The following TSNARE1 variants were observed in gnomAD, a reference collection of about 807,000 sequenced individuals.
TSNARE1 encodes the protein t-SNARE domain-containing protein 1.
In TSNARE1, 49 loss-of-function variants were observed where a neutral mutation model predicts 62.0. The observed-to-expected ratio is 0.79, with a 90% CI of 0.63 to 1.00. The LOEUF (loss-of-function observed/expected upper bound fraction) is 1.00, where lower values mean the gene tolerates loss of function less well. TSNARE1 is among the 50% of genes least tolerant of loss of function. The probability of loss-of-function intolerance (pLI) is 0.00; values close to 1 mark genes in which losing one functional copy is unlikely to be tolerated. For missense variants in TSNARE1, 755 were observed against 700.1 expected, an observed-to-expected ratio of 1.08 and a Z score of -0.88; for synonymous variants, 328 against 294.4, an observed-to-expected ratio of 1.11 and a Z score of -1.17.
chr8:142,229,252 A>G (rs1403917611), intron 13 of TSNARE1, among the ~76,000 whole-genome samples: 1 of 150,218 alleles, frequency 6.7e-6, no homozygotes, highest in East Asian at 2.0e-4. Flanking sequence ...GGATGAATGG[A>G]TGGATGGTGG....
rs1829219592 is a variant in TSNARE1 at position 142,319,911 on chromosome 8, T to C, written c.894-1277A>G. Among the ~76,000 whole-genome samples the C allele has an allele frequency of 6.6e-6, 1 of 152,150 alleles. No individual in the cohort carries two copies. Among genetic ancestry groups the C allele is most frequent in the Admixed American group, 6.5e-5 (1 of 15,280 alleles). On this transcript the variant is annotated intron_variant, in intron 6 of 13. Transcript: ENST00000524325. This position sits in a 1 kb window ranked among gnomAD's most constrained non-coding sequence, Gnocchi z 4.9. ...GACAGGAGCTTTCTTCCCCGGGGCCTTGGTCAGGGCCGCCTCCTCCTGCAG... is the reference window on the plus strand; with the variant it reads ...GACAGGAGCTTTCTTCCCCGGGGCCCTGGTCAGGGCCGCCTCCTCCTGCAG...
intron 12 of TSNARE1, among the ~76,000 whole-genome samples, chr8:142,231,506 G>T (rs1341382258): frequency 6.6e-6 from 1 of 152,178 alleles, no homozygotes; most frequent in East Asian, 1.9e-4. Flanking sequence ...CAACCCTCCT[G>T]GCAGGGACAG....
At chr8:142,227,323 C>CAA (rs1816872271) in intron 13 of TSNARE1, among the ~76,000 whole-genome samples, 1 of 113,222 alleles carries the variant, frequency 8.8e-6, no homozygotes, top group African/African-American at 6.6e-5. Context: ...GCCCACAACT[C>CAA]CAGTGATAGC....
intron 1 of TSNARE1, among the ~76,000 whole-genome samples, chr8:142,373,575 C>A (rs1027764656): frequency 1.1e-4 from 16 of 152,140 alleles, no homozygotes; most frequent in African/African-American, 3.6e-4. Flanking sequence ...GACCACACCA[C>A]CATCCTACAG....
At position 142,291,802 on chromosome 8, in the gene TSNARE1, G is replaced by A. The variant is rs1026365536; in HGVS notation, c.1291-7317C>T. Among the ~76,000 whole-genome samples the A allele has an allele frequency of 3.3e-5, 5 of 152,114 alleles. No homozygotes were observed. Among genetic ancestry groups the A allele is most frequent in the African/African-American group, 1.2e-4 (5 of 41,438 alleles). On this transcript the variant is annotated intron_variant, in intron 10 of 13. Transcript: ENST00000524325. The surrounding 1 kb of genome is among the most constrained non-coding windows in gnomAD (Gnocchi z 4.8). The stretch of plus-strand genomic sequence containing the variant: ...AGGGAGCCAGCGGCTCAGGCGTCAG[G>A]CATAGGGTGCTCTGGGCCTCGGGCA...
At chr8:142,279,892 T>G in intron 11 of TSNARE1, 1 of 1,039,260 alleles carries the variant, frequency 9.6e-7, no homozygotes, top group Non-Finnish European at 1.2e-6. Context: ...GCCCTCGCCT[T>G]GGGGACCGTG....
chr8:142,312,019 G>C (rs1827695190), intron 9 of TSNARE1, among the ~76,000 whole-genome samples: 1 of 152,096 alleles, frequency 6.6e-6, no homozygotes, highest in Non-Finnish European at 1.5e-5. Context: ...AGAATGCTTG[G>C]GACCAGAAGT....
chr8:142,316,224 C>T (rs554973350), intron 7 of TSNARE1, among the ~76,000 whole-genome samples: 4 of 151,902 alleles, frequency 2.6e-5, no homozygotes, highest in East Asian at 3.9e-4. Context: ...ACACAGGCGT[C>T]GATGCTGGTC....
At chr8:142,212,811 C>T (rs1325899623) in intron 13 of TSNARE1, among the ~76,000 whole-genome samples, 2 of 2,046 alleles carry the variant, frequency 9.8e-4, no homozygotes, top group Non-Finnish European at 2.7e-3. Flanking sequence ...AATCCTTCCC[C>T]CCCCTGTCCC....
rs559320960 is a variant in TSNARE1, at chr8:142,286,530, G to A, written c.1291-2045C>T. On this transcript the variant is annotated intron_variant, in intron 10 of 13. Transcript: ENST00000524325. ...GGTAGCGAGAAGGTGGGGCCCAGGG[G>A]TCATGGCTTCAGTGTGCATCTGTGG... Among the ~76,000 whole-genome samples the A allele has an allele frequency of 6.6e-5, 10 of 152,352 alleles. No homozygotes were observed. In the South Asian group the frequency reaches 2.1e-3, roughly 32 times the overall value.
chr8:142,318,603 T>G lies in TSNARE1; in HGVS notation c.925A>C (p.Ile309Leu), dbSNP rs1270007881. 1 of 1,613,486 alleles carries G rather than the reference T, an allele frequency of 6.2e-7. No homozygotes were observed. The highest frequency in any genetic ancestry group is 2.2e-5 in the East Asian group (1 of 44,812). ...HTAQQETNKT[I>L]AASASSVKQM... is the part of the protein sequence containing the mutation. ...TTCACGGAGCTGGCGCTGGCTGCAA[T>G]GGTCTTGTTGGTCTCCTGCTGTGCC... The change falls in exon 7 of 14, where the codon ATT becomes CTT. Residue 309 changes from isoleucine (I) to leucine (L), a missense_variant. Coordinates refer to ENST00000524325, the MANE Select transcript of TSNARE1 (RefSeq NM_145003.5).
intron 1 of TSNARE1, among the ~76,000 whole-genome samples, chr8:142,392,645 T>C (rs1432500323): frequency 6.6e-6 from 1 of 152,058 alleles, no homozygotes; most frequent in Non-Finnish European, 1.5e-5. Flanking sequence ...TGTGAGAAAC[T>C]CACAAGAGGC....
intron 2 of TSNARE1, among the ~76,000 whole-genome samples, chr8:142,352,820 A>G (rs1761574867): frequency 6.6e-6 from 1 of 152,170 alleles, no homozygotes; most frequent in South Asian, 2.1e-4. Flanking sequence ...AGGACGAAGG[A>G]GGCAGGAGGG....
chr8:142,314,075 G>C (rs193170531), intron 9 of TSNARE1, among the ~76,000 whole-genome samples: 2 of 152,158 alleles, frequency 1.3e-5, no homozygotes, highest in African/African-American at 4.8e-5. Flanking sequence ...CACCGCGCCC[G>C]GCCACGTGTG....
At chr8:142,298,602 G>T (rs1006157813) in intron 10 of TSNARE1, among the ~76,000 whole-genome samples, 2 of 152,170 alleles carry the variant, frequency 1.3e-5, no homozygotes, top group African/African-American at 4.8e-5. Context: ...CCCTCTAACG[G>T]CCTCCTCATG....
At chr8:142,352,461 C>A (rs1473388711) in intron 2 of TSNARE1, among the ~76,000 whole-genome samples, 2 of 152,246 alleles carry the variant, frequency 1.3e-5, no homozygotes, top group Non-Finnish European at 2.9e-5. Flanking sequence ...CCCAGGAACG[C>A]CACGCCCCGT....
At chr8:142,225,448 C>T (rs1816729183) in intron 13 of TSNARE1, among the ~76,000 whole-genome samples, 1 of 151,938 alleles carries the variant, frequency 6.6e-6, no homozygotes, top group South Asian at 2.1e-4. Context: ...CCCTCCCCTG[C>T]CAGGTGCTCA....
chr8:142,363,131 T>C (rs1386545363), intron 1 of TSNARE1, among the ~76,000 whole-genome samples: 1 of 152,164 alleles, frequency 6.6e-6, no homozygotes, highest in Non-Finnish European at 1.5e-5. Flanking sequence ...CACGTGGCTG[T>C]GTGAGGGCTG....
intron 1 of TSNARE1, among the ~76,000 whole-genome samples, chr8:142,357,186 C>T (rs1229610867): frequency 6.6e-6 from 1 of 152,350 alleles, no homozygotes; most frequent in East Asian, 1.9e-4. Flanking sequence ...AGCATTCACA[C>T]TGATCCCAGC....
Sources: allele counts gnomAD v4.1 joint callset (sites outside exome capture counted in the v4.1 genomes callset), GRCh38; gene constraint gnomAD v4.1.1; non-coding constraint Gnocchi (gnomAD v3.1); transcripts MANE v1.5; gene names NCBI Gene and HGNC (gene_info 2026-07-23, HGNC 2026-07-21).